Variants in STX8 observed in about 807,000 individuals in gnomAD.
The protein encoded by STX8 is syntaxin-8.
Under a neutral mutation model 37.5 loss-of-function variants are expected in STX8, and 23 were observed. The observed-to-expected ratio is 0.61, with a 90% confidence interval of 0.44 to 0.87. The LOEUF (loss-of-function observed/expected upper bound fraction) is 0.87. STX8 is among the 40% of genes least tolerant of loss of function. The probability of loss-of-function intolerance (pLI) is 0.00; values close to 1 mark genes in which losing one functional copy is unlikely to be tolerated. For missense variants in STX8, 313 were observed against 284.7 expected (o/e 1.10, Z -0.71); for synonymous variants, 115 against 99.1 (o/e 1.16, Z -0.95).
chr17:9,562,424 C>T (rs911699665), intron 2 of STX8, among the ~76,000 whole-genome samples: 3 of 149,658 alleles, frequency 2.0e-5, no homozygotes, highest in Non-Finnish European at 4.4e-5. Flanking sequence ...AAAAAAAAAA[C>T]TTTCACACGA....
chr17:9,571,567 C>T (rs1907691585), intron 1 of STX8, among the ~76,000 whole-genome samples: 2 of 146,992 alleles, frequency 1.4e-5, no homozygotes, highest in Admixed American at 1.4e-4. Flanking sequence ...CCATCGCACT[C>T]CAGCCTGGGG....
At chr17:9,334,003 C>T (rs1443431595) in intron 7 of STX8, among the ~76,000 whole-genome samples, 4 of 152,112 alleles carry the variant, frequency 2.6e-5, no homozygotes, top group South Asian at 2.1e-4. Flanking sequence ...TCTCCCTGAA[C>T]ATTTGGGGAT....
At chr17:9,462,825 A>G (rs11868454) in intron 6 of STX8, among the ~76,000 whole-genome samples, 66,311 of 152,050 alleles carry the variant, frequency 0.44, 15,379 homozygotes, top group East Asian at 0.84. Context: ...TGTACAGGGA[A>G]GGACTGCTTG....
At chr17:9,559,285 C>A (rs1654418198) in intron 2 of STX8, among the ~76,000 whole-genome samples, 1 of 152,084 alleles carries the variant, frequency 6.6e-6, no homozygotes, top group African/African-American at 2.4e-5. Flanking sequence ...ACAGAGATAA[C>A]CACATGTCAA....
chr17:9,491,679 C>A, intron 6 of STX8, 150 bp downstream of exon 6: 1 of 652,826 alleles, frequency 1.5e-6, no homozygotes, highest in Non-Finnish European at 2.5e-6. Flanking sequence ...CTAAATCTGC[C>A]ACAACCCCCA....
rs71361884 is a variant in STX8 at position 9,276,628 on chromosome 17, G to GTTT, written c.644-25986_644-25984dup. On this transcript the variant is annotated intron_variant, in intron 7 of 7. Coordinates refer to ENST00000306357, the MANE Select transcript of STX8 (RefSeq NM_004853.3). Reference sequence around the variant, plus strand: ...CTTGTTTTTGTTTGTTTATTTGTTTGTTTTTTTTTTTTGGTTGTTGTTTTT... The same window carrying GTTT: ...CTTGTTTTTGTTTGTTTATTTGTTTGTTTTTTTTTTTTTTTGGTTGTTGTTTTT... Among the ~76,000 whole-genome samples the GTTT allele has an allele frequency of 5.2e-4, 74 of 141,880 alleles. No homozygotes were observed. The East Asian group carries it at 8.8e-3, about 17-fold the overall frequency. 93.1% of individuals were successfully genotyped at this position (141,880 alleles called of 152,430 possible).
chr17:9,463,794 A>G (rs887028720), intron 6 of STX8, among the ~76,000 whole-genome samples: 1 of 151,772 alleles, frequency 6.6e-6, no homozygotes, highest in Non-Finnish European at 1.5e-5. Flanking sequence ...TGTAATCCCA[A>G]CTACTTGGGA....
At chr17:9,254,977 G>A (rs1452357136) in intron 7 of STX8, among the ~76,000 whole-genome samples, 2 of 152,234 alleles carry the variant, frequency 1.3e-5, no homozygotes, top group African/African-American at 2.4e-5. Context: ...AATGTGGCAA[G>A]AAGGCCAATG....
At chr17:9,479,042 TTAG>T (rs1906209481) in intron 6 of STX8, among the ~76,000 whole-genome samples, 1 of 152,126 alleles carries the variant, frequency 6.6e-6, no homozygotes, top group Non-Finnish European at 1.5e-5. Flanking sequence ...GAAGGGACTT[TTAG>T]TTGTTATTGC....
chr17:9,522,751 T>C (rs115417518), intron 4 of STX8, among the ~76,000 whole-genome samples: 1,734 of 150,714 alleles, frequency 0.012, 27 homozygotes, highest in African/African-American at 0.039. Context: ...GTGAGTAGGA[T>C]AGTGGTTACC....
At chr17:9,496,461 T>C (rs751621863) in intron 5 of STX8, among the ~76,000 whole-genome samples, 27 of 152,236 alleles carry the variant, frequency 1.8e-4, no homozygotes, top group Non-Finnish European at 3.4e-4. Flanking sequence ...CAAGTCATGA[T>C]GATATCACAA....
At chr17:9,308,237 CTGTG>C (rs1265593812) in intron 7 of STX8, among the ~76,000 whole-genome samples, 1 of 152,186 alleles carries the variant, frequency 6.6e-6, no homozygotes, top group African/African-American at 2.4e-5. Flanking sequence ...CTTGGTCTGT[CTGTG>C]TGACATTCCT....
chr17:9,424,776 C>T (rs1240930400), intron 6 of STX8, among the ~76,000 whole-genome samples: 1 of 152,124 alleles, frequency 6.6e-6, no homozygotes, highest in South Asian at 2.1e-4. Context: ...AATCCAAAAT[C>T]GAGAATATCA....
At chr17:9,497,641 A>G (rs1904456217) in intron 5 of STX8, among the ~76,000 whole-genome samples, 1 of 152,192 alleles carries the variant, frequency 6.6e-6, no homozygotes, top group African/African-American at 2.4e-5. Flanking sequence ...AAAGTTATCA[A>G]TATTTTAACA....
intron 6 of STX8, among the ~76,000 whole-genome samples, chr17:9,387,957 A>T (rs1376646162): frequency 6.6e-6 from 1 of 152,182 alleles, no homozygotes; most frequent in Non-Finnish European, 1.5e-5. Context: ...ATCAATGAAA[A>T]CCAGTAGTCA....
chr17:9,288,007 C>T (rs1469896865), intron 7 of STX8, among the ~76,000 whole-genome samples: 1 of 145,252 alleles, frequency 6.9e-6, no homozygotes. Flanking sequence ...CTCGGCTTCC[C>T]AAAGTGCTGG....
chr17:9,543,736 A>G (rs1420732889), intron 4 of STX8, among the ~76,000 whole-genome samples: 1 of 152,186 alleles, frequency 6.6e-6, no homozygotes, highest in Non-Finnish European at 1.5e-5. Context: ...ATTGGGAACC[A>G]CAGTAGATTG....
chr17:9,357,350 G>A (rs932458141), intron 7 of STX8, among the ~76,000 whole-genome samples: 5 of 151,934 alleles, frequency 3.3e-5, no homozygotes, highest in Admixed American at 6.6e-5. Context: ...TTTCCTGATT[G>A]GCTCCCAACT....
chr17:9,493,364 C>A (rs1178383503), intron 5 of STX8, among the ~76,000 whole-genome samples: 3 of 152,220 alleles, frequency 2.0e-5, no homozygotes, highest in Non-Finnish European at 4.4e-5. Context: ...TGGCTCCAGC[C>A]TGCAATCTTG....
Sources: gnomAD v4.1 joint callset for allele counts (sites outside exome capture counted in the v4.1 genomes callset) on GRCh38, gnomAD v4.1.1 for gene constraint, MANE v1.5 for transcripts, NCBI Gene and HGNC (gene_info 2026-07-23, HGNC 2026-07-21) for gene names.